The following ZFPM2 variants were observed in gnomAD, a reference collection of about 807,000 sequenced individuals.
The protein encoded by ZFPM2 is zinc finger protein, FOG family member 2.
ZFPM2 carries 20 observed loss-of-function variants against 98.6 expected under a neutral mutation model. The observed-to-expected ratio is 0.20, with a 90% confidence interval of 0.14 to 0.29. The LOEUF is 0.29. Ranked by LOEUF, ZFPM2 falls within the 10% of genes least tolerant of loss-of-function variation. The pLI is 1.00. For missense variants in ZFPM2, 1,310 were observed against 1,388.6 expected (o/e 0.94, Z 0.90); for synonymous variants, 518 against 502.7 (o/e 1.03, Z -0.41).
intron 3 of ZFPM2, among the ~76,000 whole-genome samples, chr8:105,496,093 A>G (rs1813461633): frequency 1.3e-5 from 2 of 152,144 alleles, no homozygotes; most frequent in Admixed American, 1.3e-4. Flanking sequence ...TCTCCTATGA[A>G]TGTCTTTCCC....
rs374373210 is a variant in ZFPM2 at position 105,522,492 on chromosome 8, C to T, written c.302-38871C>T. Among the ~76,000 whole-genome samples, 4 of 152,136 alleles carry T rather than the reference C, an allele frequency of 2.6e-5. No individual in the cohort carries two copies. The East Asian group carries it at 7.7e-4, about 29-fold the overall frequency. On this transcript the variant is annotated intron_variant, in intron 3 of 7. Transcript: ENST00000407775. ...ATGAGCATTGAAAATATATTTATGG[C>T]TGGGCGCGGTGGCTCACGCCTGTAA...
chr8:105,740,640 G>T (rs192131945), intron 5 of ZFPM2, among the ~76,000 whole-genome samples: 2 of 149,766 alleles, frequency 1.3e-5, no homozygotes, highest in Non-Finnish European at 3.0e-5. Context: ...TAAGAAATAC[G>T]GTAAAAATTA....
intron 5 of ZFPM2, among the ~76,000 whole-genome samples, chr8:105,750,647 G>A (rs1340034417): frequency 7.2e-5 from 11 of 151,906 alleles, no homozygotes; most frequent in Admixed American, 3.9e-4. Flanking sequence ...CTGTTTTGAC[G>A]ATGAAATTTT....
intron 5 of ZFPM2, among the ~76,000 whole-genome samples, chr8:105,683,223 C>T (rs1471688612): frequency 6.6e-6 from 1 of 152,092 alleles, no homozygotes; most frequent in Non-Finnish European, 1.5e-5. Context: ...CAGGTCATAG[C>T]AAGCACCTGT....
intron 1 of ZFPM2, among the ~76,000 whole-genome samples, chr8:105,391,163 G>C (rs1334430960): frequency 6.6e-6 from 1 of 152,178 alleles, no homozygotes. Flanking sequence ...AAATCTTTCA[G>C]TATGGTACCA....
intron 1 of ZFPM2, among the ~76,000 whole-genome samples, chr8:105,413,579 T>TG (rs1340432732): frequency 2.0e-5 from 3 of 151,054 alleles, no homozygotes; most frequent in Non-Finnish European, 4.4e-5. Flanking sequence ...TTGTATGATT[T>TG]GGAGGTTCCT....
chr8:105,519,840 T>G (rs2130541934), intron 3 of ZFPM2, among the ~76,000 whole-genome samples: 1 of 152,084 alleles, frequency 6.6e-6, no homozygotes, highest in Non-Finnish European at 1.5e-5. Flanking sequence ...CTCAGGAATG[T>G]TTAGATGTGA....
chr8:105,439,909 T>G (rs983755537), intron 2 of ZFPM2, among the ~76,000 whole-genome samples: 1 of 152,218 alleles, frequency 6.6e-6, no homozygotes, highest in African/African-American at 2.4e-5. Context: ...CTCACCTAAG[T>G]GGTAAATAAT....
chr8:105,764,142 A>G lies in ZFPM2; in HGVS notation c.533-24576A>G, dbSNP rs73700146. 7.6e-3 allele frequency among the ~76,000 whole-genome samples: 1,161 copies of G among 151,884 alleles called. 11 individuals carry two copies. Among genetic ancestry groups the G allele is most frequent in the African/African-American group, 0.025 (1,049 of 41,498 alleles). ...CCAGGACTCTCTTTGATCCTTTAGA[A>G]CTATAATCATGAAACCCAGGGAATA... On this transcript the variant is annotated intron_variant, in intron 5 of 7. Transcript: ENST00000407775.
intron 6 of ZFPM2, among the ~76,000 whole-genome samples, chr8:105,793,084 C>T (rs1813673851): frequency 6.6e-6 from 1 of 151,986 alleles, no homozygotes; most frequent in African/African-American, 2.4e-5. Context: ...AGTCCATTGA[C>T]ATTTAAAGTT....
intron 5 of ZFPM2, among the ~76,000 whole-genome samples, chr8:105,732,048 G>C (rs1811952925): frequency 6.6e-6 from 1 of 151,668 alleles, no homozygotes; most frequent in South Asian, 2.1e-4. Context: ...AAAGATATGA[G>C]AGGGTTTAGT....
At chr8:105,702,785 C>T (rs776973443) in intron 5 of ZFPM2, among the ~76,000 whole-genome samples, 7 of 152,172 alleles carry the variant, frequency 4.6e-5, no homozygotes, top group Non-Finnish European at 8.8e-5. Context: ...GGCATTGTGC[C>T]TTGCTCTCAG....
In ZFPM2 at chr8:105,511,824, T is replaced by A. The variant is rs761980487; in HGVS notation, c.302-49539T>A. Among the ~76,000 whole-genome samples, 38 of 152,288 alleles carry A rather than the reference T, an allele frequency of 2.5e-4. 1 individual carries two copies. The highest frequency in any genetic ancestry group is 5.4e-4 in the Non-Finnish European group (37 of 68,034). Reference sequence around the variant, plus strand: ...TCCGAAACCAGCAAGCCCATAGTTATGGTACTCAAGAGTGAACTTTCCTTA... The same window carrying A: ...TCCGAAACCAGCAAGCCCATAGTTAAGGTACTCAAGAGTGAACTTTCCTTA... On this transcript the variant is annotated intron_variant, in intron 3 of 7. Coordinates refer to ENST00000407775, the MANE Select transcript of ZFPM2 (RefSeq NM_012082.4).
chr8:105,346,603 C>G (rs1405647566), intron 1 of ZFPM2, among the ~76,000 whole-genome samples: 1 of 152,068 alleles, frequency 6.6e-6, no homozygotes, highest in East Asian at 1.9e-4. Flanking sequence ...TCATTGAGAG[C>G]CTTCCTATGT....
chr8:105,647,282 G>A (rs1279959178), intron 5 of ZFPM2, among the ~76,000 whole-genome samples: 3 of 151,898 alleles, frequency 2.0e-5, no homozygotes, highest in East Asian at 1.9e-4. Flanking sequence ...CTTTACTGTC[G>A]TTTTAGTAAA....
intron 4 of ZFPM2, among the ~76,000 whole-genome samples, chr8:105,626,473 A>G (rs1816657287): frequency 6.6e-6 from 1 of 152,132 alleles, no homozygotes; most frequent in South Asian, 2.1e-4. Flanking sequence ...TTTGCTGTGT[A>G]AAATTTTGTG....
chr8:105,643,103 T>G (rs1473123471), intron 5 of ZFPM2, among the ~76,000 whole-genome samples: 3 of 152,118 alleles, frequency 2.0e-5, no homozygotes, highest in African/African-American at 7.2e-5. Flanking sequence ...AGGGTACACG[T>G]GATGAAATCG....
intron 4 of ZFPM2, among the ~76,000 whole-genome samples, chr8:105,583,646 A>C (rs1308281147): frequency 3.3e-5 from 5 of 152,184 alleles, no homozygotes; most frequent in African/African-American, 4.8e-5. Flanking sequence ...AGATGGGAGC[A>C]AACAAAGGGG....
chr8:105,782,857 A>AAAT (rs1199262575), intron 5 of ZFPM2, among the ~76,000 whole-genome samples: 2 of 152,082 alleles, frequency 1.3e-5, no homozygotes, highest in Non-Finnish European at 2.9e-5. Context: ...CACTTCGTTT[A>AAAT]AATTTGGGGC....
Sources: gnomAD v4.1 joint callset for allele counts (sites outside exome capture counted in the v4.1 genomes callset) on GRCh38, gnomAD v4.1.1 for gene constraint, MANE v1.5 for transcripts, NCBI Gene and HGNC (gene_info 2026-07-23, HGNC 2026-07-21) for gene names.